Variants in PTTG1IP observed in about 807,000 individuals in gnomAD.
The protein encoded by PTTG1IP is pituitary tumor-transforming gene 1 protein-interacting protein.
A neutral mutation model predicts 24.4 loss-of-function variants in PTTG1IP; 16 were observed. That is an observed-to-expected ratio of 0.66 (90% confidence interval 0.44 to 1.00). The LOEUF (loss-of-function observed/expected upper bound fraction) is 1.00. PTTG1IP is among the 50% of genes least tolerant of loss of function. The probability of loss-of-function intolerance (pLI) is 0.00; values close to 1 mark genes in which losing one functional copy is unlikely to be tolerated. For missense variants in PTTG1IP, 241 were observed against 245.8 expected, an observed-to-expected ratio of 0.98 and a Z score of 0.13; for synonymous variants, 89 against 96.8, an observed-to-expected ratio of 0.92 and a Z score of 0.47.
At chr21:44,868,799 TG>T (rs1191230357) in intron 1 of PTTG1IP, among the ~76,000 whole-genome samples, 8 of 151,970 alleles carry the variant, frequency 5.3e-5, no homozygotes, top group African/African-American at 1.9e-4. Context: ...CCACTGGGTC[TG>T]CCCCCGAAGA....
chr21:44,861,971 A>G (rs2083495387), intron 2 of PTTG1IP: 4 of 652,688 alleles, frequency 6.1e-6, no homozygotes, highest in Non-Finnish European at 1.1e-5. Flanking sequence ...ACTACGGCTC[A>G]GCCCGCCCTA....
At chr21:44,852,420 G>A (rs1425560421) in intron 5 of PTTG1IP, among the ~76,000 whole-genome samples, 7 of 152,070 alleles carry the variant, frequency 4.6e-5, no homozygotes. Context: ...AACCTCAGGT[G>A]ATCCACCACC....
intron 1 of PTTG1IP, among the ~76,000 whole-genome samples, chr21:44,869,937 G>A (rs2083570742): frequency 6.6e-6 from 1 of 152,166 alleles, no homozygotes; most frequent in African/African-American, 2.4e-5. Flanking sequence ...TAGGTCTTGT[G>A]TGAACTAAAA....
At chr21:44,853,155 AGTGTGTGCGT>A (rs948819654) in intron 5 of PTTG1IP, among the ~76,000 whole-genome samples, 3 of 152,166 alleles carry the variant, frequency 2.0e-5, no homozygotes, top group African/African-American at 7.2e-5. Flanking sequence ...GGTGCTGGGC[AGTGTGTGCGT>A]GTGTGCGCGT....
intron 3 of PTTG1IP, among the ~76,000 whole-genome samples, chr21:44,857,803 A>G (rs1216698205): frequency 2.0e-5 from 3 of 152,256 alleles, no homozygotes; most frequent in Non-Finnish European, 4.4e-5. Flanking sequence ...ACATCTGATC[A>G]AATGCCTTTT....
Position 44,861,274 on chromosome 21 carries a change from G to C in PTTG1IP, c.169-3C>G. On this transcript the variant is annotated splice_polypyrimidine_tract_variant and splice_region_variant and intron_variant, in intron 2 of 5. Coordinates refer to ENST00000330938, the MANE Select transcript of PTTG1IP (RefSeq NM_004339.4). ...TTGTTAGTGTTGCACCAAAGACACT[G>C]AAAGAGACCAACATTAAGCAAGCAT... 1 of 1,606,496 alleles carries C rather than the reference G, an allele frequency of 6.2e-7. No homozygotes were observed. Among genetic ancestry groups the C allele is most frequent in the Non-Finnish European group, 8.5e-7 (1 of 1,174,120 alleles).
chr21:44,864,757 C>T (rs940359130), intron 2 of PTTG1IP, among the ~76,000 whole-genome samples: 3 of 152,244 alleles, frequency 2.0e-5, no homozygotes, highest in African/African-American at 7.2e-5. Context: ...ACGGGTGCTC[C>T]TTCTTCCAGG....
At position 44,851,467 on chromosome 21, in the gene PTTG1IP, G is replaced by C. The variant is rs766891163; in HGVS notation, c.*114C>G. On this transcript the variant is annotated 3_prime_UTR_variant, in exon 6 of 6. Coordinates refer to ENST00000330938, the MANE Select transcript of PTTG1IP (RefSeq NM_004339.4). ...TCCGGCCGCCTGTCCTGGAAGGCTG[G>C]CAGGTTCACTGGCCAAGGTCAGGAG... The C allele has an allele frequency of 3.1e-6, 5 of 1,611,234 alleles. No individual in the cohort carries two copies. Among genetic ancestry groups the C allele is most frequent in the Non-Finnish European group, 4.2e-6 (5 of 1,179,816 alleles).
intron 2 of PTTG1IP, among the ~76,000 whole-genome samples, chr21:44,861,503 C>T (rs922754588): frequency 6.6e-6 from 1 of 152,206 alleles, no homozygotes; most frequent in Non-Finnish European, 1.5e-5. Context: ...AGGCCCGCGT[C>T]ACTCAGGCCT....
chr21:44,858,600 C>T lies in PTTG1IP; in HGVS notation c.278-2236G>A, dbSNP rs534432866. 5.1e-4 allele frequency among the ~76,000 whole-genome samples: 77 copies of T among 152,310 alleles called. 1 individual carries two copies. Among genetic ancestry groups the T allele is most frequent in the Admixed American group, 4.2e-3 (64 of 15,300 alleles). On this transcript the variant is annotated intron_variant, in intron 3 of 5. Transcript: ENST00000330938. Reference sequence around the variant, plus strand: ...TGCCTCCCCGAGCCCTGTTCCCCTGCGGGACCCTGCGTGGCGTGTGGTGCC... The same window carrying T: ...TGCCTCCCCGAGCCCTGTTCCCCTGTGGGACCCTGCGTGGCGTGTGGTGCC...
At chr21:44,858,630 C>T (rs1444947848) in intron 3 of PTTG1IP, among the ~76,000 whole-genome samples, 1 of 152,252 alleles carries the variant, frequency 6.6e-6, no homozygotes, top group Non-Finnish European at 1.5e-5. Flanking sequence ...GGTGCCCCCT[C>T]CCCACTGTGA....
At chr21:44,861,735 G>A (rs774154990) in intron 2 of PTTG1IP, 1 of 716,966 alleles carries the variant, frequency 1.4e-6, no homozygotes. Context: ...CACCTCCTGT[G>A]AGGTTTGCTT....
In PTTG1IP at chr21:44,873,533, C is replaced by G; in HGVS notation, c.84G>C (p.Pro28=). Residue 28 remains proline (P), a synonymous_variant, in exon 1 of 6, where the codon CCG becomes CCC. Transcript: ENST00000330938. ...GGAALLLLLI[P]VAAAQEPPGA... ...CGGGAGGCTCCTGCGCGGCGGCCACCGGGATGAGCAGCAGGAGCAGCGCGG... is the reference window on the plus strand; with the variant it reads ...CGGGAGGCTCCTGCGCGGCGGCCACGGGGATGAGCAGCAGGAGCAGCGCGG... The G allele has an allele frequency of 6.8e-7, 1 of 1,467,004 alleles. No homozygotes were observed. Among genetic ancestry groups the G allele is most frequent in the Non-Finnish European group, 9.0e-7 (1 of 1,115,466 alleles). The allele number at this position is 1,467,004 out of a possible 1,614,324, so 90.9% of individuals were successfully genotyped here.
At chr21:44,851,692 C>CATA in intron 5 of PTTG1IP, 65 bp from the exon 6 acceptor site, 1 of 1,503,274 alleles carries the variant, frequency 6.7e-7, no homozygotes, top group Non-Finnish European at 9.0e-7. Flanking sequence ...CTTAGAAAGC[C>CATA]ATACAAACCA....
rs923653227 is a variant in PTTG1IP at position 44,873,659 on chromosome 21, C to T, written c.-43G>A. On this transcript the variant is annotated 5_prime_UTR_variant, in exon 1 of 6. Coordinates refer to ENST00000330938, the MANE Select transcript of PTTG1IP (RefSeq NM_004339.4). ...ATCAGTCAGTGGAGCGTTACAACTC[C>T]GACTCCAGCACAAGCGGTCTCCGCC... The T allele has an allele frequency of 1.5e-6, 2 of 1,334,220 alleles. No homozygotes were observed. The highest frequency in any genetic ancestry group is 1.9e-6 in the Non-Finnish European group (2 of 1,038,708). 82.6% of individuals were successfully genotyped at this position (1,334,220 alleles called of 1,614,324 possible). A position where few individuals can be genotyped will look rare whatever the true frequency, so the allele number is the denominator to read the frequency against.
chr21:44,865,532 T>A (rs1221572456), intron 1 of PTTG1IP, 85 bp from the exon 2 acceptor site: 2 of 1,376,002 alleles, frequency 1.5e-6, no homozygotes, highest in Non-Finnish European at 2.1e-6. Context: ...TGGGCACCAG[T>A]GAGGGGTGTG....
chr21:44,855,050 G>A (rs986724132), intron 5 of PTTG1IP, among the ~76,000 whole-genome samples, 160 bp downstream of exon 5: 4 of 152,302 alleles, frequency 2.6e-5, no homozygotes, highest in Middle Eastern at 3.4e-3. Flanking sequence ...CCACAGAACC[G>A]CTGGGGACAA....
intron 3 of PTTG1IP, among the ~76,000 whole-genome samples, chr21:44,858,283 T>A (rs988014353): frequency 1.3e-5 from 2 of 152,246 alleles, no homozygotes; most frequent in Admixed American, 1.3e-4. Context: ...GTTCTAAGGT[T>A]ACCTGTAAGA....
intron 1 of PTTG1IP, among the ~76,000 whole-genome samples, chr21:44,872,126 A>T (rs1039708319): frequency 2.0e-5 from 3 of 152,138 alleles, no homozygotes; most frequent in Non-Finnish European, 4.4e-5. Flanking sequence ...GTTGCCAGTG[A>T]ATCACACACT....
Sources: allele counts gnomAD v4.1 joint callset (sites outside exome capture counted in the v4.1 genomes callset), GRCh38; gene constraint gnomAD v4.1.1; transcripts MANE v1.5; gene names NCBI Gene and HGNC (gene_info 2026-07-23, HGNC 2026-07-21).